CLASP2: variants seen among roughly 807,000 people sequenced by gnomAD.
The protein encoded by CLASP2 is cytoplasmic linker associated protein 2.
CLASP2 carries 47 observed loss-of-function variants against 194.4 expected under a neutral mutation model. The ratio of observed to expected loss-of-function variants is 0.24; its 90% CI spans 0.19 to 0.31. The LOEUF is 0.31. Ranked by LOEUF, CLASP2 falls within the 10% of genes least tolerant of loss-of-function variation. The pLI is 1.00. For missense variants in CLASP2, 1,445 were observed against 1,823.6 expected (o/e 0.79, Z 3.78); for synonymous variants, 619 against 633.5 (o/e 0.98, Z 0.34).
At chr3:33,614,491 A>G (rs778420512) in intron 12 of CLASP2, among the ~76,000 whole-genome samples, 67 of 152,312 alleles carry the variant, frequency 4.4e-4, no homozygotes, top group Admixed American at 2.0e-3. Context: ...TGTCCACTGT[A>G]TAAGAATAGT....
intron 12 of CLASP2, among the ~76,000 whole-genome samples, chr3:33,615,671 A>G (rs187871530): frequency 6.6e-6 from 1 of 152,172 alleles, no homozygotes; most frequent in Admixed American, 6.5e-5. Flanking sequence ...ACATTTGTAA[A>G]TGATAACCAA....
intron 34 of CLASP2, among the ~76,000 whole-genome samples, chr3:33,523,349 G>C (rs1347283897): frequency 2.6e-5 from 4 of 152,070 alleles, no homozygotes; most frequent in Non-Finnish European, 5.9e-5. Context: ...AACTCAAAGA[G>C]AGCCACATCA....
intron 8 of CLASP2, 105 bp downstream of exon 8, chr3:33,644,652 C>T (rs1575194460): frequency 4.1e-6 from 5 of 1,209,734 alleles, no homozygotes; most frequent in Non-Finnish European, 5.9e-6. Context: ...GATCTGCAAT[C>T]GTGCTGCAGT....
chr3:33,638,244 A>T (rs1459739245), intron 8 of CLASP2, among the ~76,000 whole-genome samples: 7 of 152,170 alleles, frequency 4.6e-5, no homozygotes, highest in African/African-American at 1.7e-4. Context: ...AAAGTTTTTT[A>T]AAACTCTCCG....
intron 37 of CLASP2, chr3:33,504,920 C>T (rs1376177837): frequency 6.7e-6 from 1 of 149,974 alleles, no homozygotes; most frequent in Non-Finnish European, 1.5e-5. Context: ...GGATCAGTAC[C>T]AGTCCATGGC....
chr3:33,543,348 G>C, intron 32 of CLASP2, 85 bp downstream of exon 32: 1 of 915,806 alleles, frequency 1.1e-6, no homozygotes, highest in Non-Finnish European at 1.8e-6. Context: ...ACTCCAGCCT[G>C]GGCGACAGAG....
chr3:33,670,580 C>G (rs1056099640), intron 6 of CLASP2, among the ~76,000 whole-genome samples: 1 of 152,196 alleles, frequency 6.6e-6, no homozygotes, highest in Non-Finnish European at 1.5e-5. Flanking sequence ...AGTGAGGTCA[C>G]ATGGCAAACC....
At position 33,695,230 on chromosome 3, in the gene CLASP2, T is replaced by TTTTTTA. The variant is rs1364873009; in HGVS notation, c.274+1624_274+1625insTAAAAA. ...CCAGTAAGCCTGCTAATTTTTTTTT[T>TTTTTTA]TTTTTTTTTTGGTAGAAACATGGTC... is the stretch of plus-strand genomic sequence containing the variant. On this transcript the variant is annotated intron_variant, in intron 2 of 38. Coordinates refer to ENST00000682230, the MANE Select transcript of CLASP2 (RefSeq NM_001365631.1). 5.6e-5 allele frequency among the ~76,000 whole-genome samples: 8 copies of TTTTTTA among 142,740 alleles called. 1 individual carries two copies. In the Admixed American group the frequency reaches 5.8e-4, roughly 10 times the overall value. The allele number at this position is 142,740 out of a possible 152,430, so 93.6% of individuals were successfully genotyped here. A position where few individuals can be genotyped will look rare whatever the true frequency, so the allele number is the denominator to read the frequency against.
At chr3:33,517,715 G>A (rs1027391940) in intron 34 of CLASP2, among the ~76,000 whole-genome samples, 2 of 152,222 alleles carry the variant, frequency 1.3e-5, no homozygotes, top group South Asian at 2.1e-4. Context: ...AGGCTGGAGT[G>A]TAGTGGTGTG....
intron 12 of CLASP2, among the ~76,000 whole-genome samples, chr3:33,616,364 T>C (rs1026933920): frequency 5.9e-5 from 9 of 152,080 alleles, no homozygotes; most frequent in African/African-American, 1.7e-4. Flanking sequence ...TAACAAAATA[T>C]GTAAAACAGG....
At chr3:33,516,905 C>G in intron 35 of CLASP2, 76 bp downstream of exon 35, 2 of 1,234,990 alleles carry the variant, frequency 1.6e-6, no homozygotes, top group Admixed American at 2.2e-5. Context: ...TTGCTAAATC[C>G]GTGTAGCATT....
intron 21 of CLASP2, among the ~76,000 whole-genome samples, chr3:33,590,084 A>C (rs573930426): frequency 6.6e-6 from 1 of 152,144 alleles, no homozygotes; most frequent in Non-Finnish European, 1.5e-5. Flanking sequence ...AGTATTTAAA[A>C]TTTTTTTAAA....
intron 34 of CLASP2, among the ~76,000 whole-genome samples, chr3:33,519,826 A>C (rs2052466686): frequency 1.3e-5 from 2 of 152,190 alleles, no homozygotes; most frequent in South Asian, 4.1e-4. Flanking sequence ...ACTATGATGA[A>C]GTAGTGTTCC....
At chr3:33,598,541 C>T (rs1359791242) in intron 18 of CLASP2, among the ~76,000 whole-genome samples, 1 of 152,136 alleles carries the variant, frequency 6.6e-6, no homozygotes, top group African/African-American at 2.4e-5. Context: ...TCCTTTCATC[C>T]TTACACTTCT....
intron 8 of CLASP2, among the ~76,000 whole-genome samples, chr3:33,640,872 G>T (rs1575152356): frequency 6.6e-6 from 1 of 151,888 alleles, no homozygotes; most frequent in East Asian, 1.9e-4. Flanking sequence ...TATTTTGCTG[G>T]GAATCATACT....
chr3:33,584,210 C>A (rs1450791004), intron 22 of CLASP2, among the ~76,000 whole-genome samples: 2 of 151,064 alleles, frequency 1.3e-5, no homozygotes, highest in Non-Finnish European at 2.9e-5. Flanking sequence ...CCACAATAAC[C>A]TTTTCCTTTA....
At chr3:33,558,850 T>C (rs774812678) in intron 29 of CLASP2, 21 of 153,688 alleles carry the variant, frequency 1.4e-4, no homozygotes, top group Non-Finnish European at 2.7e-4. Context: ...AAAAAAGTAA[T>C]GGGAAATCAC....
chr3:33,627,325 C>T lies in CLASP2; in HGVS notation c.943-245G>A. 4 of 434,970 alleles carry T rather than the reference C, an allele frequency of 9.2e-6. No individual in the cohort carries two copies. The South Asian group carries it at 1.0e-4, about 11-fold the overall frequency. 26.9% of individuals were successfully genotyped at this position (434,970 alleles called of 1,614,324 possible). On this transcript the variant is annotated intron_variant, in intron 9 of 38. Coordinates refer to ENST00000682230, the MANE Select transcript of CLASP2 (RefSeq NM_001365631.1). ...TAACTTCAAATATGCTCTCAAAATGCTTTGTAATTTTAAAAACAAGATGTA... is the reference window on the plus strand; with the variant it reads ...TAACTTCAAATATGCTCTCAAAATGTTTTGTAATTTTAAAAACAAGATGTA...
At chr3:33,617,948 TATA>T (rs2076469645) in intron 12 of CLASP2, among the ~76,000 whole-genome samples, 1 of 110,342 alleles carries the variant, frequency 9.1e-6, no homozygotes, top group Non-Finnish European at 1.8e-5. Context: ...TATATATATA[TATA>T]TTTTTTTTTT....
Sources: gnomAD v4.1 joint callset for allele counts (sites outside exome capture counted in the v4.1 genomes callset) on GRCh38, gnomAD v4.1.1 for gene constraint, MANE v1.5 for transcripts, NCBI Gene and HGNC (gene_info 2026-07-23, HGNC 2026-07-21) for gene names.